The following FGF12 variants were observed in gnomAD, a reference collection of about 807,000 sequenced individuals.
FGF12 encodes fibroblast growth factor 12B.
Under a neutral mutation model 23.6 loss-of-function variants are expected in FGF12, and 14 were observed. The ratio of observed to expected loss-of-function variants is 0.59; its 90% confidence interval spans 0.39 to 0.93. The LOEUF (loss-of-function observed/expected upper bound fraction) is 0.93. FGF12 is among the 40% of genes least tolerant of loss of function. The probability of loss-of-function intolerance (pLI) is 0.00; values close to 1 mark genes in which losing one functional copy is unlikely to be tolerated. For missense variants in FGF12, 175 were observed against 217.8 expected (o/e 0.80, Z 1.24); for synonymous variants, 62 against 77.3 (o/e 0.80, Z 1.04).
chr3:192,579,839 A>G (rs920932049), intron 2 of FGF12, among the ~76,000 whole-genome samples: 1 of 152,164 alleles, frequency 6.6e-6, no homozygotes, highest in Non-Finnish European at 1.5e-5. Flanking sequence ...CCAAATGCTC[A>G]GATTACAGGT....
At chr3:192,469,191 C>A (rs542069551) in intron 2 of FGF12, among the ~76,000 whole-genome samples, 2 of 152,274 alleles carry the variant, frequency 1.3e-5, no homozygotes, top group Non-Finnish European at 2.9e-5. Context: ...TAGCACTTCT[C>A]TAAGGTGTCC....
intron 2 of FGF12, among the ~76,000 whole-genome samples, chr3:192,530,822 A>ATTT (rs56699927): frequency 2.0e-5 from 3 of 148,772 alleles, no homozygotes; most frequent in African/African-American, 7.4e-5. Context: ...TTGCATTTTA[A>ATTT]TTTTTTTTTT....
intron 4 of FGF12, among the ~76,000 whole-genome samples, chr3:192,210,126 T>C (rs1282696774): frequency 6.6e-6 from 1 of 151,350 alleles, no homozygotes; most frequent in East Asian, 1.9e-4. Context: ...ACTGTGATCC[T>C]TGAGAGAAAA....
intron 2 of FGF12, among the ~76,000 whole-genome samples, chr3:192,370,010 C>T (rs1719152331): frequency 1.3e-5 from 2 of 152,110 alleles, no homozygotes; most frequent in Admixed American, 1.3e-4. Context: ...TTGAGCAGCA[C>T]CAGCAGGAGC....
intron 4 of FGF12, among the ~76,000 whole-genome samples, chr3:192,307,312 G>C (rs1715697398): frequency 6.6e-6 from 1 of 152,084 alleles, no homozygotes; most frequent in African/African-American, 2.4e-5. Flanking sequence ...GATAAAAAAG[G>C]CACAATAAAT....
intron 2 of FGF12, among the ~76,000 whole-genome samples, chr3:192,556,169 T>C (rs1015202205): frequency 2.6e-5 from 4 of 152,100 alleles, no homozygotes; most frequent in African/African-American, 4.8e-5. Flanking sequence ...TCCTTCCCTA[T>C]CAGAAATTAC....
At chr3:192,605,133 C>A (rs1043882621) in intron 2 of FGF12, among the ~76,000 whole-genome samples, 1 of 152,110 alleles carries the variant, frequency 6.6e-6, no homozygotes, top group African/African-American at 2.4e-5. Context: ...AATTCCAGCA[C>A]TTTGGGAGGT....
intron 4 of FGF12, among the ~76,000 whole-genome samples, chr3:192,278,738 C>T (rs1216578593): frequency 6.6e-6 from 1 of 152,132 alleles, no homozygotes; most frequent in African/African-American, 2.4e-5. Context: ...CATCACTGAC[C>T]GGACAGAGTT....
intron 2 of FGF12, among the ~76,000 whole-genome samples, chr3:192,479,427 T>C (rs1245676209): frequency 6.6e-6 from 1 of 152,188 alleles, no homozygotes; most frequent in Non-Finnish European, 1.5e-5. Flanking sequence ...ATAATGCAGA[T>C]TTAGTCAACT....
chr3:192,214,409 A>G (rs945743110), intron 4 of FGF12, among the ~76,000 whole-genome samples: 2 of 152,198 alleles, frequency 1.3e-5, no homozygotes, highest in African/African-American at 2.4e-5. Flanking sequence ...TTATTTGCAA[A>G]TGTTCTCCTG....
chr3:192,346,319 T>C (rs182362857), intron 3 of FGF12, among the ~76,000 whole-genome samples: 132 of 152,330 alleles, frequency 8.7e-4, no homozygotes, highest in Non-Finnish European at 1.7e-3. Context: ...GGTTAATTTT[T>C]CCCTTACATG....
chr3:192,663,514 C>T (rs937728430), intron 2 of FGF12, among the ~76,000 whole-genome samples: 42 of 152,132 alleles, frequency 2.8e-4, no homozygotes, highest in African/African-American at 1.0e-3. Context: ...GATGAGTACC[C>T]TCAGCCAAAC....
chr3:192,269,523 A>G (rs1453031994), intron 4 of FGF12, among the ~76,000 whole-genome samples: 5 of 152,190 alleles, frequency 3.3e-5, no homozygotes, highest in African/African-American at 9.7e-5. Flanking sequence ...ATTAGGGACC[A>G]TAATAGTACT....
intron 2 of FGF12, among the ~76,000 whole-genome samples, chr3:192,586,678 TC>T (rs1713386211): frequency 1.3e-5 from 2 of 152,192 alleles, no homozygotes; most frequent in Admixed American, 1.3e-4. Context: ...TCTATTTTCC[TC>T]CAGAAGTGGG....
At chr3:192,564,390 C>T (rs1343829223) in intron 2 of FGF12, among the ~76,000 whole-genome samples, 1 of 152,104 alleles carries the variant, frequency 6.6e-6, no homozygotes, top group African/African-American at 2.4e-5. Flanking sequence ...ATTGGAACAT[C>T]TAGAAGTTCC....
intron 4 of FGF12, among the ~76,000 whole-genome samples, chr3:192,303,964 A>G (rs1715481103): frequency 6.6e-6 from 1 of 152,230 alleles, no homozygotes; most frequent in Non-Finnish European, 1.5e-5. Flanking sequence ...CCATCTGGGT[A>G]ATCTCCAGTA....
At chr3:192,158,376 T>TTC (rs1373918230) in intron 5 of FGF12, among the ~76,000 whole-genome samples, 22 of 120,724 alleles carry the variant, frequency 1.8e-4, no homozygotes, top group African/African-American at 7.3e-4. Context: ...CTTTCTTTCT[T>TTC]TCTTTCTTTT....
chr3:192,682,971 G>A (rs1378924518), intron 2 of FGF12, among the ~76,000 whole-genome samples: 1 of 152,206 alleles, frequency 6.6e-6, no homozygotes, highest in Non-Finnish European at 1.5e-5. Flanking sequence ...ATGCTGTCAT[G>A]GGGAGAGGGC....
chr3:192,447,781 C>G (rs1402847327), intron 2 of FGF12, among the ~76,000 whole-genome samples: 1 of 152,116 alleles, frequency 6.6e-6, no homozygotes, highest in African/African-American at 2.4e-5. Flanking sequence ...TTACATAGAT[C>G]AAGCACACAA....
Sources: gnomAD v4.1 joint callset for allele counts (sites outside exome capture counted in the v4.1 genomes callset) on GRCh38, gnomAD v4.1.1 for gene constraint, MANE v1.5 for transcripts, NCBI Gene and HGNC (gene_info 2026-07-23, HGNC 2026-07-21) for gene names.